POLB: variants seen among roughly 807,000 people sequenced by gnomAD.
POLB encodes the protein DNA polymerase beta, also known as 5'-dRP lyase.
In POLB, 37 loss-of-function variants were observed where a neutral mutation model predicts 52.7. That is an observed-to-expected ratio of 0.70 (90% CI 0.54 to 0.92). The LOEUF (loss-of-function observed/expected upper bound fraction) is 0.92. Among genes scored for constraint, POLB ranks in the 40% least tolerant of loss-of-function variants. The pLI, the probability that POLB is intolerant of heterozygous loss-of-function variation, is 0.00. For synonymous variants in POLB, 138 were observed against 131.3 expected (o/e 1.05, Z -0.35); for missense variants, 313 against 400.8 (o/e 0.78, Z 1.87).
At chr8:42,351,647 C>T (rs1822984131) in intron 5 of POLB, among the ~76,000 whole-genome samples, 1 of 152,192 alleles carries the variant, frequency 6.6e-6, no homozygotes, top group African/African-American at 2.4e-5. Context: ...CAGTAAGCTT[C>T]CTTCTGTCCC....
Position 42,360,545 on chromosome 8 carries a change from G to T in POLB, c.551-750G>T, listed in dbSNP as rs547893840. ...GTAGTTTACATATAAGAAAACTGAG[G>T]TCTAGAGGAATGAAGAGTCCTCACT... On this transcript the variant is annotated intron_variant, in intron 9 of 13. Coordinates refer to ENST00000265421, the MANE Select transcript of POLB (RefSeq NM_002690.3). Among the ~76,000 whole-genome samples the T allele has an allele frequency of 2.0e-5, 3 of 152,054 alleles. No individual in the cohort carries two copies. The East Asian group carries it at 5.8e-4, about 29-fold the overall frequency.
chr8:42,345,149 T>C, intron 3 of POLB, 130 bp downstream of exon 3: 1 of 644,836 alleles, frequency 1.6e-6, no homozygotes, highest in Non-Finnish European at 2.8e-6. Context: ...CCTGATTTCT[T>C]GGAATAACAT....
chr8:42,346,168 G>C (rs777550460), intron 3 of POLB, among the ~76,000 whole-genome samples: 7 of 152,074 alleles, frequency 4.6e-5, no homozygotes, highest in Admixed American at 2.6e-4. Flanking sequence ...GTGATCCACT[G>C]CCTTGAGCCT....
intron 3 of POLB, 89 bp from the exon 4 acceptor site, chr8:42,348,927 T>A: frequency 1.4e-6 from 1 of 706,780 alleles, no homozygotes; most frequent in Non-Finnish European, 2.4e-6. Flanking sequence ...TATTCATTTG[T>A]TTTTCATTTT....
In POLB at chr8:42,369,812, A is replaced by AT. The variant is rs746566862; in HGVS notation, c.774-36dup. The AT allele has an allele frequency of 5.8e-5, 85 of 1,462,360 alleles. No individual in the cohort carries two copies. In the East Asian group the frequency reaches 8.7e-4, roughly 15 times the overall value. The allele number at this position is 1,462,360 out of a possible 1,614,324, so 90.6% of individuals were successfully genotyped here. The stretch of plus-strand genomic sequence containing the variant: ...CCTATATTTGCTAAACTTGAAATGC[A>AT]TGGTAAAAAAATGTATCTACTGTCC... On this transcript the variant is annotated intron_variant, in intron 12 of 13. Transcript: ENST00000265421.
chr8:42,343,166 C>CA (rs1339693499), intron 2 of POLB, among the ~76,000 whole-genome samples: 2 of 150,846 alleles, frequency 1.3e-5, no homozygotes, highest in Non-Finnish European at 3.0e-5. Flanking sequence ...ACTAAAAATG[C>CA]AAAAAATTAG....
At chr8:42,342,097 A>ATC (rs1202632220) in intron 2 of POLB, 3 of 1,183,072 alleles carry the variant, frequency 2.5e-6, no homozygotes, top group Non-Finnish European at 3.8e-6. Flanking sequence ...TGCTTTCAGA[A>ATC]TCATAACCAG....
In POLB at chr8:42,344,957, G is replaced by A. The variant is rs1563391493; in HGVS notation, c.124G>A (p.Ala42Thr). 1.9e-6 allele frequency: 3 copies of A among 1,595,192 alleles called. No homozygotes were observed. The highest frequency in any genetic ancestry group is 1.7e-6 in the Non-Finnish European group (2 of 1,163,194). ...CCTTTTCTTCTTTCCTTATAGAAAAGCAGCATCTGTTATAGCAAAATACCC... is the reference window on the plus strand; with the variant it reads ...CCTTTTCTTCTTTCCTTATAGAAAAACAGCATCTGTTATAGCAAAATACCC... The part of the protein sequence containing the change: ...AIHKYNAYRK[A>T]ASVIAKYPHK... Residue 42 changes from alanine to threonine, a missense_variant, in exon 3 of 14, where the codon GCA (alanine) becomes ACA (threonine). Coordinates refer to ENST00000265421, the MANE Select transcript of POLB (RefSeq NM_002690.3).
At chr8:42,345,809 A>G (rs779091700) in intron 3 of POLB, among the ~76,000 whole-genome samples, 4 of 152,200 alleles carry the variant, frequency 2.6e-5, no homozygotes, top group Non-Finnish European at 4.4e-5. Context: ...TGGTCTATCT[A>G]TTGACAATCA....
chr8:42,347,143 A>G (rs1227468609), intron 3 of POLB, among the ~76,000 whole-genome samples: 1 of 152,174 alleles, frequency 6.6e-6, no homozygotes, highest in African/African-American at 2.4e-5. Flanking sequence ...AAAAGAATAC[A>G]AAGGTATCCA....
intron 6 of POLB, chr8:42,354,418 C>G: frequency 7.9e-7 from 1 of 1,264,942 alleles, no homozygotes; most frequent in Non-Finnish European, 1.0e-6. Context: ...TTTAACAAGG[C>G]TCACAGCTGG....
intron 11 of POLB, among the ~76,000 whole-genome samples, chr8:42,366,772 G>A (rs1223753636): frequency 6.6e-6 from 1 of 152,212 alleles, no homozygotes; most frequent in Admixed American, 6.5e-5. Flanking sequence ...TAAAAGGCCT[G>A]AGTTTTATCT....
At chr8:42,366,699 G>C (rs1824060918) in intron 11 of POLB, among the ~76,000 whole-genome samples, 2 of 152,196 alleles carry the variant, frequency 1.3e-5, no homozygotes, top group African/African-American at 2.4e-5. Context: ...ACAGAAGATA[G>C]AGGGTCTTAT....
At chr8:42,369,453 A>G (rs1824243554) in intron 12 of POLB, 118 bp downstream of exon 12, 1 of 614,028 alleles carries the variant, frequency 1.6e-6, no homozygotes, top group East Asian at 2.8e-5. Flanking sequence ...TACTCCCAAG[A>G]GCCATATGTT....
chr8:42,362,258 A>AAAAAT (rs200006937), intron 10 of POLB, among the ~76,000 whole-genome samples: 7,030 of 93,120 alleles, frequency 0.075, 225 homozygotes, highest in African/African-American at 0.3. Context: ...GACTCCATCT[A>AAAAAT]AAAATAAAAT....
At position 42,361,288 on chromosome 8, in the gene POLB, A is replaced by G; in HGVS notation, c.551-7A>G. 3 of 1,607,140 alleles carry G rather than the reference A, an allele frequency of 1.9e-6. No individual in the cohort carries two copies. Among genetic ancestry groups the G allele is most frequent in the Non-Finnish European group, 2.6e-6 (3 of 1,173,628 alleles). ...GACAATCTCATATGTGTCTTCTGTC[A>G]TCACAGGTGCAGAGTCCAGTGGTGA... On this transcript the variant is annotated splice_region_variant and splice_polypyrimidine_tract_variant and intron_variant, in intron 9 of 13. Transcript: ENST00000265421.
chr8:42,354,056 C>A (rs866728867), intron 6 of POLB, among the ~76,000 whole-genome samples: 2 of 152,172 alleles, frequency 1.3e-5, no homozygotes, highest in Middle Eastern at 3.4e-3. Context: ...AATTGATTGG[C>A]TAAAGGGGTC....
At chr8:42,338,773 T>A (rs1187679892) in intron 1 of POLB, 88 bp downstream of exon 1, 8 of 1,336,958 alleles carry the variant, frequency 6.0e-6, no homozygotes, top group Non-Finnish European at 8.6e-6. Flanking sequence ...GACAGTCCAG[T>A]GGGTAGGGTA....
chr8:42,355,410 T>C, intron 6 of POLB, 106 bp from the exon 7 acceptor site: 1 of 669,434 alleles, frequency 1.5e-6, no homozygotes, highest in Non-Finnish European at 2.7e-6. Context: ...CATTTCAATG[T>C]ATTTGTTCCC....
Sources: gnomAD v4.1 joint callset for allele counts (sites outside exome capture counted in the v4.1 genomes callset) on GRCh38, gnomAD v4.1.1 for gene constraint, MANE v1.5 for transcripts, NCBI Gene and HGNC (gene_info 2026-07-23, HGNC 2026-07-21) for gene names.